The following MAP3K5 variants were observed in gnomAD, a reference collection of about 807,000 sequenced individuals.
MAP3K5 encodes mitogen-activated protein kinase kinase kinase 5, also known as ASK-1.
Under a neutral mutation model 158.7 loss-of-function variants are expected in MAP3K5, and 56 were observed. The observed-to-expected ratio is 0.35, with a 90% CI of 0.28 to 0.44. The LOEUF is 0.44. MAP3K5 is among the 20% of genes least tolerant of loss of function. MAP3K5 has a pLI of 1.00. For synonymous variants in MAP3K5, 579 were observed against 601.7 expected (o/e 0.96, Z 0.55); for missense variants, 1,294 against 1,674.8 (o/e 0.77, Z 3.97).
intron 2 of MAP3K5, among the ~76,000 whole-genome samples, chr6:136,708,575 G>A (rs1781174673): frequency 6.6e-6 from 1 of 152,070 alleles, no homozygotes; most frequent in Admixed American, 6.6e-5. Flanking sequence ...TATTTGATGG[G>A]GAAAAGCATT....
At chr6:136,581,422 TGC>T (rs1774870767) in intron 24 of MAP3K5, among the ~76,000 whole-genome samples, 1 of 152,236 alleles carries the variant, frequency 6.6e-6, no homozygotes, top group African/African-American at 2.4e-5. Flanking sequence ...CTCTACTACC[TGC>T]TGGCTTACAC....
At chr6:136,758,039 C>T (rs1317210054) in intron 1 of MAP3K5, among the ~76,000 whole-genome samples, 3 of 152,128 alleles carry the variant, frequency 2.0e-5, no homozygotes, top group Non-Finnish European at 4.4e-5. Context: ...ATAATTAAAA[C>T]TTATTTTAAT....
intron 1 of MAP3K5, among the ~76,000 whole-genome samples, chr6:136,743,653 T>C (rs1343188892): frequency 1.3e-5 from 2 of 152,188 alleles, no homozygotes; most frequent in Non-Finnish European, 2.9e-5. Flanking sequence ...ACGTTTATAC[T>C]ATTGCTATAC....
At chr6:136,713,053 T>C (rs1016994902) in intron 2 of MAP3K5, among the ~76,000 whole-genome samples, 7 of 152,276 alleles carry the variant, frequency 4.6e-5, no homozygotes, top group South Asian at 2.1e-4. Context: ...GTTTCAAAGA[T>C]ATATTCTAAA....
chr6:136,713,638 C>CCTT (rs1437230432), intron 2 of MAP3K5, among the ~76,000 whole-genome samples: 3 of 152,170 alleles, frequency 2.0e-5, no homozygotes, highest in Non-Finnish European at 4.4e-5. Context: ...TTACCTCTTT[C>CCTT]CTTCCCCAAT....
chr6:136,677,286 C>T (rs960785887), intron 7 of MAP3K5, among the ~76,000 whole-genome samples: 8 of 151,676 alleles, frequency 5.3e-5, no homozygotes, highest in African/African-American at 9.7e-5. Context: ...TACAGGTGCC[C>T]GCCACCACGC....
intron 18 of MAP3K5, among the ~76,000 whole-genome samples, chr6:136,607,676 G>T (rs992672865): frequency 6.6e-6 from 1 of 152,144 alleles, no homozygotes; most frequent in Non-Finnish European, 1.5e-5. Flanking sequence ...ACTACCCAGG[G>T]AGGTGGTACA....
intron 1 of MAP3K5, 66 bp downstream of exon 1, chr6:136,791,644 C>T (rs1312250395): frequency 4.5e-6 from 7 of 1,550,178 alleles, no homozygotes; most frequent in East Asian, 2.3e-5. Flanking sequence ...AATGAAATGC[C>T]CCGAAGACCG....
At chr6:136,770,491 T>C (rs377095148) in intron 1 of MAP3K5, among the ~76,000 whole-genome samples, 12 of 152,322 alleles carry the variant, frequency 7.9e-5, no homozygotes, top group South Asian at 6.2e-4. Context: ...TCATCAATCA[T>C]AGTACATTTC....
intron 1 of MAP3K5, among the ~76,000 whole-genome samples, chr6:136,771,362 C>T (rs1182458477): frequency 2.0e-5 from 3 of 152,078 alleles, no homozygotes; most frequent in African/African-American, 7.2e-5. Flanking sequence ...GGCTTGGACA[C>T]CGGACCAGAT....
rs200881143 is a variant in MAP3K5, at chr6:136,696,094, A to G, written c.976-37T>C. On this transcript the variant is annotated intron_variant, in intron 5 of 29. Coordinates refer to ENST00000359015, the MANE Select transcript of MAP3K5 (RefSeq NM_005923.4). ...GATGAGAATAGCACAGAATTAAACC[A>G]TTAGGAGAAAATTCTCACAATAACG... 3.2e-6 allele frequency: 4 copies of G among 1,236,180 alleles called. No homozygotes were observed. In the Admixed American group the frequency reaches 5.9e-5, roughly 18 times the overall value. The allele number at this position is 1,236,180 out of a possible 1,614,324, so 76.6% of individuals were successfully genotyped here.
chr6:136,602,044 G>T, intron 19 of MAP3K5, 65 bp from the exon 20 acceptor site: 1 of 1,362,682 alleles, frequency 7.3e-7, no homozygotes, highest in Non-Finnish European at 1.0e-6. Flanking sequence ...CTGAACTCCA[G>T]CTTCCATAAC....
At chr6:136,694,104 C>T in intron 7 of MAP3K5, 36 bp downstream of exon 7, 1 of 1,535,370 alleles carries the variant, frequency 6.5e-7, no homozygotes, top group Non-Finnish European at 8.8e-7. Flanking sequence ...CATGGATTTA[C>T]TAAGTAAGTA....
chr6:136,557,698 A>G lies in MAP3K5; in HGVS notation c.*60T>C. 8.0e-7 allele frequency: 1 copy of G among 1,257,596 alleles called. No individual in the cohort carries two copies. Among genetic ancestry groups the G allele is most frequent in the Non-Finnish European group, 1.2e-6 (1 of 855,932 alleles). The allele number at this position is 1,257,596 out of a possible 1,614,324, so 77.9% of individuals were successfully genotyped here. On this transcript the variant is annotated 3_prime_UTR_variant, in exon 30 of 30. Coordinates refer to ENST00000359015, the MANE Select transcript of MAP3K5 (RefSeq NM_005923.4). The stretch of plus-strand genomic sequence containing the variant: ...CTCTCCCTTCGATTTTCCCACCCCC[A>G]AGAAGATCAGCTCTGTATTAATTTT...
intron 20 of MAP3K5, 50 bp from the exon 21 acceptor site, chr6:136,601,092 T>C (rs1483868424): frequency 3.1e-6 from 5 of 1,600,904 alleles, no homozygotes; most frequent in Non-Finnish European, 4.3e-6. Context: ...CTGGGTTTGT[T>C]GTTAAACTGA....
intron 8 of MAP3K5, among the ~76,000 whole-genome samples, chr6:136,666,550 G>C (rs543845753): frequency 6.6e-6 from 1 of 151,996 alleles, no homozygotes; most frequent in Non-Finnish European, 1.5e-5. Context: ...GAAACTAGGT[G>C]TATCTTTAAA....
intron 26 of MAP3K5, among the ~76,000 whole-genome samples, chr6:136,564,973 T>C (rs1172062019): frequency 6.6e-6 from 1 of 152,240 alleles, no homozygotes; most frequent in East Asian, 1.9e-4. Context: ...TTATTTTCTA[T>C]AAATTTGTTC....
chr6:136,567,383 G>A (rs989297073), intron 26 of MAP3K5, among the ~76,000 whole-genome samples: 2 of 152,150 alleles, frequency 1.3e-5, no homozygotes, highest in Admixed American at 1.3e-4. Context: ...CGAAGCTATT[G>A]GAAAAATCTT....
intron 1 of MAP3K5, among the ~76,000 whole-genome samples, chr6:136,769,424 T>A (rs115143841): frequency 0.025 from 3,865 of 152,130 alleles, 180 homozygotes; most frequent in African/African-American, 0.087. Context: ...GAATTAGATA[T>A]TGGTGATGGT....
Sources: allele counts gnomAD v4.1 joint callset (sites outside exome capture counted in the v4.1 genomes callset), GRCh38; gene constraint gnomAD v4.1.1; transcripts MANE v1.5; gene names NCBI Gene and HGNC (gene_info 2026-07-23, HGNC 2026-07-21).